PEX2: variants seen among roughly 807,000 people sequenced by gnomAD.
PEX2 encodes the protein peroxisome biogenesis factor 2.
PEX2 carries 19 observed loss-of-function variants against 25.2 expected under a neutral mutation model. That is an observed-to-expected ratio of 0.75 (90% CI 0.53 to 1.10). The LOEUF is 1.10. PEX2 is among the 50% of genes least tolerant of loss of function. The pLI is 0.00. For missense variants in PEX2, 347 were observed against 350.6 expected (o/e 0.99, Z 0.08); for synonymous variants, 141 against 127.7 (o/e 1.10, Z -0.70).
upstream of PEX2, among the ~76,000 whole-genome samples, chr8:77,000,456 G>C (rs1378402218): frequency 2.0e-5 from 3 of 151,926 alleles, no homozygotes; most frequent in Admixed American, 1.3e-4. Context: ...CCTCTGGCAG[G>C]CGCCGCCGGG....
chr8:76,999,779 A>T (rs773517606), intron 1 of PEX2: 35 of 453,282 alleles, frequency 7.7e-5, no homozygotes, highest in Non-Finnish European at 1.3e-4. Flanking sequence ...TAATGCCGCG[A>T]TCCTAAAAAC....
In PEX2 at chr8:76,983,900, C is replaced by T; in HGVS notation, c.279G>A (p.Leu93=). 1 of 1,614,080 alleles carries T rather than the reference C, an allele frequency of 6.2e-7. No homozygotes were observed. The highest frequency in any genetic ancestry group is 8.5e-7 in the Non-Finnish European group (1 of 1,179,982). Residue 93 remains leucine (L), a synonymous_variant, in exon 4 of 4, where the codon CTG becomes CTA. Transcript: ENST00000357039. ...GATTTTTACTGGGTGGCTGATATCT[C>T]AGGTTAGGGGAAAAATCATTTTTGT... ...IKYKNDFSPN[L]RYQPPSKNQK...
At chr8:76,985,619 A>AG (rs34502070) in intron 3 of PEX2, among the ~76,000 whole-genome samples, 1 of 152,180 alleles carries the variant, frequency 6.6e-6, no homozygotes, top group Non-Finnish European at 1.5e-5. Context: ...CAATAAAGCT[A>AG]GGGGAAAAAA....
intron 3 of PEX2, among the ~76,000 whole-genome samples, chr8:76,985,101 A>T (rs1283129922): frequency 6.6e-6 from 1 of 151,970 alleles, no homozygotes; most frequent in African/African-American, 2.4e-5. Context: ...TAAAACACCA[A>T]GTCACTGCCA....
upstream of PEX2, chr8:77,000,140 A>G (rs1807462119): frequency 5.9e-6 from 2 of 340,532 alleles, no homozygotes; most frequent in Non-Finnish European, 1.1e-5. Context: ...TGGCTGAAAA[A>G]AAAAAGAAAA....
chr8:76,983,969 G>A lies in PEX2; in HGVS notation c.210C>T (p.Tyr70=). The change falls in exon 4 of 4, where the codon TAC becomes TAT. Residue 70 remains tyrosine, a synonymous_variant. Transcript: ENST00000357039. ...ACTGTCCCACTGTGGCATTTTTGGA[G>A]TAGATGGTGAATCTCCACAAGAAAA... The part of the protein sequence containing the change: ...LWVFLWRFTI[Y]SKNATVGQSV... 6.2e-7 allele frequency: 1 copy of A among 1,614,132 alleles called. No individual in the cohort carries two copies. Among genetic ancestry groups the A allele is most frequent in the South Asian group, 1.1e-5 (1 of 91,086 alleles).
intron 1 of PEX2, among the ~76,000 whole-genome samples, chr8:76,998,823 A>T (rs1807409502): frequency 6.6e-6 from 1 of 152,194 alleles, no homozygotes; most frequent in Non-Finnish European, 1.5e-5. Context: ...AGTTTCTAAA[A>T]ATAAGGAGAA....
At chr8:76,990,934 C>T (rs1284220682) in intron 1 of PEX2, among the ~76,000 whole-genome samples, 3 of 152,142 alleles carry the variant, frequency 2.0e-5, no homozygotes, top group African/African-American at 7.2e-5. Context: ...TGCTACAAAC[C>T]TTTAATTTGT....
upstream of PEX2, among the ~76,000 whole-genome samples, chr8:77,000,623 C>T (rs1807484142): frequency 6.6e-6 from 1 of 152,172 alleles, no homozygotes; most frequent in Non-Finnish European, 1.5e-5. Flanking sequence ...GCCCTCGGGG[C>T]CTGTGTGCAC....
At chr8:76,997,201 A>G (rs13276738) in intron 1 of PEX2, among the ~76,000 whole-genome samples, 144,952 of 152,294 alleles carry the variant, frequency 0.95, 69,134 homozygotes, top group East Asian at 0.99. Context: ...CCATTCAAAG[A>G]ACCATGTCAA....
At chr8:76,997,717 T>C (rs1036697105) in intron 1 of PEX2, among the ~76,000 whole-genome samples, 1 of 152,178 alleles carries the variant, frequency 6.6e-6, no homozygotes, top group Admixed American at 6.5e-5. Flanking sequence ...AGATGTCTGA[T>C]AAAAAGAAAA....
intron 1 of PEX2, among the ~76,000 whole-genome samples, chr8:76,997,915 C>A (rs1044576091): frequency 2.0e-5 from 3 of 152,078 alleles, no homozygotes; most frequent in African/African-American, 7.2e-5. Flanking sequence ...ACAGACAGGG[C>A]AAATGGAGCA....
At chr8:76,991,247 G>A (rs1453924405) in intron 1 of PEX2, among the ~76,000 whole-genome samples, 2 of 152,124 alleles carry the variant, frequency 1.3e-5, no homozygotes, top group Non-Finnish European at 2.9e-5. Context: ...GTAAAAACAG[G>A]AATTTTTAAT....
chr8:76,984,005 C>G lies in PEX2; in HGVS notation c.174G>C (p.Ala58=), dbSNP rs150987080. Residue 58 remains alanine (A), a synonymous_variant, in exon 4 of 4, where the codon GCG becomes GCC. Coordinates refer to ENST00000357039, the MANE Select transcript of PEX2 (RefSeq NM_000318.3). ...ATCTCCACAAGAAAACCCATAAGCA[C>G]GCTTTCACCTCTGGCTCAAAGCGAG... ...LLARFEPEVK[A]CLWVFLWRFT... 5 of 1,614,044 alleles carry G rather than the reference C, an allele frequency of 3.1e-6. No individual in the cohort carries two copies. Among genetic ancestry groups the G allele is most frequent in the Middle Eastern group, 1.6e-4 (1 of 6,062 alleles).
rs1297517393 is a variant in PEX2, at chr8:76,984,169, T to G, written c.10A>C (p.Arg4=). The G allele has an allele frequency of 6.2e-7, 1 of 1,614,078 alleles. No individual in the cohort carries two copies. The highest frequency in any genetic ancestry group is 1.1e-5 in the South Asian group (1 of 91,070). ...TTTGCACTCTTCGCATTCTCTTTTC[T>G]GGAAGCCATGTCTTCTCTGAAGGTC... The part of the protein sequence containing the change: MAS[R]KENAKSANRV... The change falls in exon 4 of 4, where the codon AGA becomes CGA. Residue 4 remains arginine, a synonymous_variant. Transcript: ENST00000357039.
Position 76,980,675 on chromosome 8 carries a change from G to T in PEX2, c.*2586C>A, listed in dbSNP as rs1448912544. 6.6e-6 allele frequency: 1 copy of T among 152,230 alleles called. No homozygotes were observed. Among genetic ancestry groups the T allele is most frequent in the Non-Finnish European group, 1.5e-5 (1 of 68,060 alleles). The allele number at this position is 152,230 out of a possible 1,614,324, so 9.4% of individuals were successfully genotyped here. A position where few individuals can be genotyped will look rare whatever the true frequency, so the allele number is the denominator to read the frequency against. ...AGGCAAGAGTATCTCATGCCAGTGG[G>T]ATCAGAAAGCTAGCAGATTATAAGC... On this transcript the variant is annotated 3_prime_UTR_variant, in exon 4 of 4. Coordinates refer to ENST00000357039, the MANE Select transcript of PEX2 (RefSeq NM_000318.3).
chr8:76,995,189 T>A (rs546969161), intron 1 of PEX2, among the ~76,000 whole-genome samples: 1 of 152,364 alleles, frequency 6.6e-6, no homozygotes, highest in African/African-American at 2.4e-5. Flanking sequence ...TCTTTCACCA[T>A]ACATAAACTA....
chr8:76,997,875 C>T (rs769156542), intron 1 of PEX2, among the ~76,000 whole-genome samples: 2 of 152,140 alleles, frequency 1.3e-5, no homozygotes, highest in Non-Finnish European at 2.9e-5. Context: ...TGTAAAGAAA[C>T]TACAGGGCTG....
At chr8:76,999,797 G>A (rs1410113780) in intron 1 of PEX2, 193 bp downstream of exon 1, 1 of 455,746 alleles carries the variant, frequency 2.2e-6, no homozygotes, top group East Asian at 7.0e-5. Flanking sequence ...AACATCTTTA[G>A]GAGTTTAGGT....
Sources: allele counts gnomAD v4.1 joint callset (sites outside exome capture counted in the v4.1 genomes callset), GRCh38; gene constraint gnomAD v4.1.1; transcripts MANE v1.5; gene names NCBI Gene and HGNC (gene_info 2026-07-23, HGNC 2026-07-21).